Variants in TMEM229B observed in about 807,000 individuals in gnomAD.
The protein encoded by TMEM229B is chromosome 14 open reading frame 83.
Under a neutral mutation model 13.7 loss-of-function variants are expected in TMEM229B, and 6 were observed. The observed-to-expected ratio is 0.44, with a 90% CI of 0.24 to 0.86. TMEM229B has a LOEUF of 0.86. TMEM229B is among the 40% of genes least tolerant of loss of function. The probability of loss-of-function intolerance (pLI) is 0.23; values close to 1 mark genes in which losing one functional copy is unlikely to be tolerated. For synonymous variants in TMEM229B, 107 were observed against 102.1 expected (o/e 1.05, Z -0.29); for missense variants, 170 against 236.0 (o/e 0.72, Z 1.83).
chr14:67,496,335 C>A lies in TMEM229B; in HGVS notation c.-191-9163G>T, dbSNP rs2032364127. ...CTCAAATTCCTGGGCTCAAGTGATC[C>A]ACCCATCTTGGCCTCCCAAAGTGCT... On this transcript the variant is annotated intron_variant, in intron 1 of 2. Coordinates refer to the TMEM229B transcript ENST00000357461. Among the ~76,000 whole-genome samples the A allele has an allele frequency of 3.3e-5, 5 of 149,406 alleles. 1 individual carries two copies. The South Asian group carries it at 1.1e-3, about 32-fold the overall frequency.
chr14:67,508,006 C>T (rs551525961), intron 1 of TMEM229B, among the ~76,000 whole-genome samples: 8 of 152,090 alleles, frequency 5.3e-5, no homozygotes, highest in East Asian at 1.9e-4. Context: ...GACGTGGGGG[C>T]GCATGCCTCT....
At chr14:67,492,412 A>C (rs2032205549), upstream of TMEM229B, among the ~76,000 whole-genome samples, 1 of 152,224 alleles carries the variant, frequency 6.6e-6, no homozygotes, top group African/African-American at 2.4e-5. Context: ...TACTCTGCAC[A>C]TGAGACCAGC....
Position 67,473,076 on chromosome 14 carries a change from A to T in TMEM229B, c.*344T>A. 1 of 275,808 alleles carries T rather than the reference A, an allele frequency of 3.6e-6. No homozygotes were observed. Among genetic ancestry groups the T allele is most frequent in the Non-Finnish European group, 6.9e-6 (1 of 144,166 alleles). The allele number at this position is 275,808 out of a possible 1,614,324, so 17.1% of individuals were successfully genotyped here. A position where few individuals can be genotyped will look rare whatever the true frequency, so the allele number is the denominator to read the frequency against. ...GGCCTTGCCTCCCACCTGCGGCCCC[A>T]TTCTCATTGTCCCTTGGCCAGGACA... is the stretch of plus-strand genomic sequence containing the variant. On this transcript the variant is annotated 3_prime_UTR_variant, in exon 3 of 3. Coordinates refer to ENST00000554480, the MANE Select transcript of TMEM229B (RefSeq NM_001348543.2). The surrounding 1 kb of genome is among the most constrained non-coding windows in gnomAD (Gnocchi z 6.5).
upstream of TMEM229B, among the ~76,000 whole-genome samples, chr14:67,490,651 G>A (rs992506222): frequency 1.3e-5 from 2 of 152,074 alleles, no homozygotes; most frequent in African/African-American, 4.8e-5. Flanking sequence ...GCAGGATTGA[G>A]TCTCTGCTTC....
chr14:67,498,914 C>A (rs2032495906), intron 1 of TMEM229B, among the ~76,000 whole-genome samples: 2 of 152,276 alleles, frequency 1.3e-5, no homozygotes, highest in South Asian at 4.1e-4. Flanking sequence ...GCTGATCCAC[C>A]CACCTTGGCC....
intron 1 of TMEM229B, among the ~76,000 whole-genome samples, chr14:67,525,068 T>G (rs1299007814): frequency 2.6e-5 from 4 of 152,204 alleles, no homozygotes; most frequent in African/African-American, 4.8e-5. Flanking sequence ...TTAAAACATT[T>G]TAATAGCTTT....
At chr14:67,477,975 A>G (rs1243059765) in intron 2 of TMEM229B, among the ~76,000 whole-genome samples, 5 of 152,206 alleles carry the variant, frequency 3.3e-5, no homozygotes, top group African/African-American at 1.2e-4. Context: ...TAGTATTCCC[A>G]GTGCCTGGCA....
intron 2 of TMEM229B, among the ~76,000 whole-genome samples, chr14:67,474,308 A>G (rs751764903): frequency 9.2e-5 from 14 of 151,364 alleles, no homozygotes; most frequent in Non-Finnish European, 1.6e-4. Context: ...CACCCACCCC[A>G]CTGACTTCTC....
chr14:67,485,483 G>A (rs2031820920), intron 2 of TMEM229B, among the ~76,000 whole-genome samples: 1 of 152,170 alleles, frequency 6.6e-6, no homozygotes, highest in Non-Finnish European at 1.5e-5. Flanking sequence ...TCTACTCCCT[G>A]CAAATTCCTG....
chr14:67,493,646 G>T (rs1411222205), upstream of TMEM229B, among the ~76,000 whole-genome samples: 3 of 152,162 alleles, frequency 2.0e-5, no homozygotes, highest in African/African-American at 7.2e-5. Flanking sequence ...CTGTTGGGGT[G>T]AGCATCAGGC....
intron 1 of TMEM229B, among the ~76,000 whole-genome samples, chr14:67,508,662 C>A (rs571408324): frequency 1.8e-4 from 27 of 147,836 alleles, no homozygotes; most frequent in African/African-American, 6.7e-4. Context: ...TAGAGGATCC[C>A]TTGAGCCCAG....
chr14:67,478,513 G>A (rs1234813331), intron 2 of TMEM229B, among the ~76,000 whole-genome samples: 1 of 152,128 alleles, frequency 6.6e-6, no homozygotes, highest in African/African-American at 2.4e-5. Context: ...GAAAGAGTGT[G>A]TAGAAAAAAC....
At chr14:67,477,161 C>T (rs575677112) in intron 2 of TMEM229B, among the ~76,000 whole-genome samples, 177 of 113,860 alleles carry the variant, frequency 1.6e-3, no homozygotes, top group South Asian at 0.014. Context: ...AGCGAAACTC[C>T]ATCTCAAAAA....
intron 1 of TMEM229B, among the ~76,000 whole-genome samples, chr14:67,507,884 G>A (rs541023812): frequency 6.6e-6 from 1 of 152,144 alleles, no homozygotes; most frequent in Non-Finnish European, 1.5e-5. Flanking sequence ...CACGCCTGTA[G>A]TCCCAGCACT....
At chr14:67,513,244 A>T (rs1401112242) in intron 1 of TMEM229B, among the ~76,000 whole-genome samples, 1 of 152,206 alleles carries the variant, frequency 6.6e-6, no homozygotes, top group Non-Finnish European at 1.5e-5. Context: ...CCGAATAAAT[A>T]GCTTGGGACA....
chr14:67,511,034 A>G (rs1236775007), intron 1 of TMEM229B, among the ~76,000 whole-genome samples: 1 of 152,098 alleles, frequency 6.6e-6, no homozygotes, highest in African/African-American at 2.4e-5. Flanking sequence ...TGGCATCCCT[A>G]GCTCCTCAGG....
At chr14:67,505,861 A>G (rs1267951591) in intron 1 of TMEM229B, among the ~76,000 whole-genome samples, 3 of 151,902 alleles carry the variant, frequency 2.0e-5, no homozygotes, top group South Asian at 4.2e-4. Flanking sequence ...CACCATGCCT[A>G]TCTAATTTTT....
chr14:67,493,052 A>C (rs182258104), upstream of TMEM229B, among the ~76,000 whole-genome samples: 2 of 152,334 alleles, frequency 1.3e-5, no homozygotes, highest in Admixed American at 1.3e-4. Flanking sequence ...AAAGATGAGA[A>C]GAAGCCGTGC....
At chr14:67,489,499 A>G (rs2032066493), upstream of TMEM229B, among the ~76,000 whole-genome samples, 2 of 152,164 alleles carry the variant, frequency 1.3e-5, no homozygotes, top group South Asian at 4.1e-4. Context: ...GTGAAGAAGC[A>G]GAGACCACCG....
Sources: gnomAD v4.1 joint callset for allele counts (sites outside exome capture counted in the v4.1 genomes callset) on GRCh38, gnomAD v4.1.1 for gene constraint, Gnocchi (gnomAD v3.1) non-coding constraint, MANE v1.5 for transcripts, NCBI Gene and HGNC (gene_info 2026-07-23, HGNC 2026-07-21) for gene names.